The following KCNIP4 variants were observed in gnomAD, a reference collection of about 807,000 sequenced individuals.
The protein encoded by KCNIP4 is Kv channel-interacting protein 4.
Under a neutral mutation model 34.0 loss-of-function variants are expected in KCNIP4, and 12 were observed. That is an observed-to-expected ratio of 0.35 (90% confidence interval 0.23 to 0.57). The LOEUF (loss-of-function observed/expected upper bound fraction) is 0.57, where lower values mean the gene tolerates loss of function less well. Ranked by LOEUF, KCNIP4 falls within the 20% of genes least tolerant of loss-of-function variation. KCNIP4 has a pLI of 0.83. For missense variants in KCNIP4, 238 were observed against 311.7 expected (o/e 0.76, Z 1.78); for synonymous variants, 124 against 102.2 (o/e 1.21, Z -1.29).
At position 21,325,281 on chromosome 4, in the gene KCNIP4, T is replaced by C. The variant is rs1018237804; in HGVS notation, c.62-442572A>G. Among the ~76,000 whole-genome samples, 14 of 151,938 alleles carry C rather than the reference T, an allele frequency of 9.2e-5. No individual in the cohort carries two copies. The East Asian group carries it at 1.7e-3, about 19-fold the overall frequency. On this transcript the variant is annotated intron_variant, in intron 1 of 8. Coordinates refer to ENST00000382152, the MANE Select transcript of KCNIP4 (RefSeq NM_025221.6). ...TTATTACATCTTTGATCTTGGTACT[T>C]GTAATTGGCCTGCTAAGGTTTTGGG...
At chr4:21,620,471 A>G (rs1744926650) in intron 1 of KCNIP4, among the ~76,000 whole-genome samples, 1 of 152,128 alleles carries the variant, frequency 6.6e-6, no homozygotes, top group Non-Finnish European at 1.5e-5. Context: ...CTGTCTGGGT[A>G]ATAGAGCAAG....
intron 3 of KCNIP4, among the ~76,000 whole-genome samples, chr4:20,843,905 T>C (rs10003614): frequency 0.39 from 59,388 of 152,062 alleles, 12,126 homozygotes; most frequent in Non-Finnish European, 0.46. Flanking sequence ...CATAAACTAA[T>C]GCTTAACATA....
intron 3 of KCNIP4, among the ~76,000 whole-genome samples, chr4:20,775,209 G>A (rs1356458415): frequency 6.6e-6 from 1 of 152,030 alleles, no homozygotes; most frequent in African/African-American, 2.4e-5. Flanking sequence ...TTATTTCAAG[G>A]GAACAATAGT....
At chr4:21,915,337 G>A (rs1728570152) in intron 1 of KCNIP4, among the ~76,000 whole-genome samples, 1 of 152,122 alleles carries the variant, frequency 6.6e-6, no homozygotes, top group African/African-American at 2.4e-5. Context: ...ATAAAGAAGA[G>A]GACCTAATCT....
intron 1 of KCNIP4, among the ~76,000 whole-genome samples, chr4:21,454,368 T>G (rs961605811): frequency 6.6e-6 from 1 of 152,016 alleles, no homozygotes; most frequent in African/African-American, 2.4e-5. Context: ...TAACTCACTC[T>G]CTAAGAGATT....
chr4:21,738,797 G>A (rs1202548285), intron 1 of KCNIP4, among the ~76,000 whole-genome samples: 1 of 151,996 alleles, frequency 6.6e-6, no homozygotes, highest in Non-Finnish European at 1.5e-5. Context: ...CCAGCAGCAT[G>A]TATCACCTAG....
intron 1 of KCNIP4, among the ~76,000 whole-genome samples, chr4:21,115,667 C>T (rs548585820): frequency 1.6e-4 from 25 of 152,176 alleles, no homozygotes; most frequent in African/African-American, 6.0e-4. Context: ...TAGTGAAAGA[C>T]AGATCAATAA....
chr4:21,219,303 C>T (rs1409149413), intron 1 of KCNIP4, among the ~76,000 whole-genome samples: 1 of 152,100 alleles, frequency 6.6e-6, no homozygotes, highest in Non-Finnish European at 1.5e-5. Context: ...CGTCAAAAAG[C>T]CTAAATGACA....
intron 1 of KCNIP4, among the ~76,000 whole-genome samples, chr4:21,714,809 AT>A (rs1263378396): frequency 0.082 from 20 of 244 alleles, no homozygotes; most frequent in East Asian, 0.5. Context: ...ATTTTATTTT[AT>A]TTTATTTTAT....
intron 1 of KCNIP4, among the ~76,000 whole-genome samples, chr4:21,275,745 A>G (rs2109148008): frequency 6.6e-6 from 1 of 152,302 alleles, no homozygotes; most frequent in East Asian, 1.9e-4. Flanking sequence ...GTAGGGAAAT[A>G]AGATACTTCA....
chr4:20,861,476 T>C (rs1037271402), intron 2 of KCNIP4, among the ~76,000 whole-genome samples: 7 of 152,112 alleles, frequency 4.6e-5, no homozygotes, highest in East Asian at 1.9e-4. Context: ...ACCCGAGCAA[T>C]TGGAATCCTG....
Position 21,786,786 on chromosome 4 carries a change from T to G in KCNIP4, c.61+161785A>C, listed in dbSNP as rs181774098. Reference sequence around the variant, plus strand: ...TTTCATCGTGTTAGCCAGGATGGTCTCCATCTCCTGACCTCATGATCCGCC... The same window carrying G: ...TTTCATCGTGTTAGCCAGGATGGTCGCCATCTCCTGACCTCATGATCCGCC... On this transcript the variant is annotated intron_variant, in intron 1 of 8. Coordinates refer to ENST00000382152, the MANE Select transcript of KCNIP4 (RefSeq NM_025221.6). 8.4e-3 allele frequency among the ~76,000 whole-genome samples: 1,280 copies of G among 152,180 alleles called. 14 individuals carry two copies. The highest frequency in any genetic ancestry group is 0.028 in the South Asian group (135 of 4,808).
At chr4:21,812,126 A>G (rs1721695710) in intron 1 of KCNIP4, among the ~76,000 whole-genome samples, 1 of 152,238 alleles carries the variant, frequency 6.6e-6, no homozygotes, top group Admixed American at 6.5e-5. Context: ...CCAGAAAATA[A>G]AAATTAACGC....
chr4:21,488,525 C>T (rs977578847), intron 1 of KCNIP4, among the ~76,000 whole-genome samples: 2 of 151,794 alleles, frequency 1.3e-5, no homozygotes, highest in Admixed American at 6.6e-5. Context: ...AAAGAATATG[C>T]ATATGGCTAA....
chr4:21,627,002 G>A (rs1054255619), intron 1 of KCNIP4, among the ~76,000 whole-genome samples: 1 of 152,058 alleles, frequency 6.6e-6, no homozygotes, highest in African/African-American at 2.4e-5. Flanking sequence ...GTCACTTTTA[G>A]TCCTTTTTCC....
intron 1 of KCNIP4, among the ~76,000 whole-genome samples, chr4:21,193,249 A>G (rs1230779401): frequency 1.3e-5 from 2 of 152,178 alleles, no homozygotes; most frequent in Non-Finnish European, 2.9e-5. Context: ...TTTAGGATCA[A>G]TTAGTTAATT....
At chr4:21,529,986 A>G (rs545315459) in intron 1 of KCNIP4, among the ~76,000 whole-genome samples, 3 of 152,148 alleles carry the variant, frequency 2.0e-5, no homozygotes, top group Non-Finnish European at 4.4e-5. Flanking sequence ...CTATGTGGTA[A>G]ATAATAGCTA....
chr4:21,871,036 A>G (rs1274863362), intron 1 of KCNIP4, among the ~76,000 whole-genome samples: 1 of 152,130 alleles, frequency 6.6e-6, no homozygotes, highest in African/African-American at 2.4e-5. Context: ...TCTCTCCTTG[A>G]CTAAATTTTA....
At chr4:21,095,508 T>C (rs781252441) in intron 1 of KCNIP4, among the ~76,000 whole-genome samples, 2 of 152,174 alleles carry the variant, frequency 1.3e-5, no homozygotes, top group Non-Finnish European at 2.9e-5. Context: ...AAACACATAC[T>C]AATTAAGTAG....
Sources: allele counts gnomAD v4.1 joint callset (sites outside exome capture counted in the v4.1 genomes callset), GRCh38; gene constraint gnomAD v4.1.1; transcripts MANE v1.5; gene names NCBI Gene and HGNC (gene_info 2026-07-23, HGNC 2026-07-21).